The following ZBTB38 variants were observed in gnomAD, a reference collection of about 807,000 sequenced individuals.
ZBTB38 encodes zinc finger and BTB domain-containing protein 38.
A neutral mutation model predicts 76.8 loss-of-function variants in ZBTB38; 20 were observed. The observed-to-expected ratio is 0.26, with a 90% CI of 0.18 to 0.38. The LOEUF is 0.38. Among genes scored for constraint, ZBTB38 ranks in the 10% least tolerant of loss-of-function variants. The probability of loss-of-function intolerance (pLI) is 1.00; values close to 1 mark genes in which losing one functional copy is unlikely to be tolerated. For synonymous variants in ZBTB38, 504 were observed against 544.2 expected (o/e 0.93, Z 1.03); for missense variants, 1,082 against 1,482.3 (o/e 0.73, Z 4.43).
Position 141,368,800 on chromosome 3 carries a change from TCCGA to T in ZBTB38, c.-313_-310del, listed in dbSNP as rs1944097295. On this transcript the variant is annotated splice_region_variant and 5_prime_UTR_variant, in exon 1 of 6. Coordinates refer to ENST00000321464, the MANE Select transcript of ZBTB38 (RefSeq NM_001376113.1). ...TCTGGGTTTCAGAGGAGCCAGCGCC[TCCGA>T]GTAAGTGAAGGCCCACTTTTGGCCC... The T allele has an allele frequency of 6.6e-6, 1 of 151,926 alleles. No individual in the cohort carries two copies. Among genetic ancestry groups the T allele is most frequent in the Non-Finnish European group, 1.5e-5 (1 of 67,978 alleles). The allele number at this position is 151,926 out of a possible 1,614,324, so 9.4% of individuals were successfully genotyped here.
At chr3:141,345,709 G>C (rs753762809) in intron 1 of ZBTB38, among the ~76,000 whole-genome samples, 11 of 151,914 alleles carry the variant, frequency 7.2e-5, no homozygotes, top group Non-Finnish European at 1.5e-4. Context: ...GTGGTGCATG[G>C]GTGTGTGTGT....
At chr3:141,428,772 G>A (rs1045859373) in intron 5 of ZBTB38, among the ~76,000 whole-genome samples, 9 of 152,100 alleles carry the variant, frequency 5.9e-5, no homozygotes, top group Admixed American at 1.3e-4. Flanking sequence ...CAAGGCGCCC[G>A]GCCAGTATTT....
At chr3:141,356,282 G>T (rs73869599) in intron 1 of ZBTB38, among the ~76,000 whole-genome samples, 16,345 of 152,116 alleles carry the variant, frequency 0.11, 2,192 homozygotes, top group African/African-American at 0.31. Flanking sequence ...TAGGGCTGGA[G>T]TAAGGAATAG....
upstream of ZBTB38, chr3:141,368,160 C>G (rs1944044793): frequency 6.6e-6 from 1 of 152,514 alleles, no homozygotes; most frequent in South Asian, 2.1e-4. Flanking sequence ...TGAGAGGTCC[C>G]CAGGGAAACA....
intron 2 of ZBTB38, among the ~76,000 whole-genome samples, chr3:141,375,486 G>C (rs1256663399): frequency 6.6e-6 from 1 of 152,176 alleles, no homozygotes; most frequent in Non-Finnish European, 1.5e-5. Context: ...CCTAGCAAGG[G>C]GCCCACGTGC....
At chr3:141,387,632 A>G (rs1482458436) in intron 4 of ZBTB38, 1 of 152,146 alleles carries the variant, frequency 6.6e-6, no homozygotes, top group Non-Finnish European at 1.5e-5. Context: ...AATTCAACAC[A>G]CCACCTCCTT....
intron 1 of ZBTB38, among the ~76,000 whole-genome samples, chr3:141,334,370 C>T (rs1311178730): frequency 6.6e-6 from 1 of 151,202 alleles, no homozygotes; most frequent in Non-Finnish European, 1.5e-5. Context: ...TCCTTCTTTC[C>T]TCCCTCCCTC....
In ZBTB38 at chr3:141,445,774, A is replaced by G. The variant is rs1461918844; in HGVS notation, c.3386A>G (p.Gln1129Arg). ...AATGGGAAGGGCTATGCCTGCTTCC[A>G]GTGCCCCAAAATTTGCAAAACAGCT... ...EHNGKGYACFQCPKICKTAAA... is the reference protein window; with the variant it reads ...EHNGKGYACFRCPKICKTAAA... The change falls in exon 6 of 6, where the codon CAG becomes CGG. Residue 1129 changes from glutamine to arginine, a missense_variant. Coordinates refer to ENST00000321464, the MANE Select transcript of ZBTB38 (RefSeq NM_001376113.1). The surrounding 1 kb of genome is among the most constrained non-coding windows in gnomAD (Gnocchi z 6.5). 6.2e-7 allele frequency: 1 copy of G among 1,614,236 alleles called. No homozygotes were observed. Among genetic ancestry groups the G allele is most frequent in the Admixed American group, 1.7e-5 (1 of 60,030 alleles).
chr3:141,407,076 G>A (rs547064271), intron 5 of ZBTB38, among the ~76,000 whole-genome samples: 1 of 152,322 alleles, frequency 6.6e-6, no homozygotes, highest in Admixed American at 6.5e-5. Flanking sequence ...GTCATACACT[G>A]TATTCTGTTG....
At chr3:141,400,336 TAAGA>T (rs1951547667) in intron 4 of ZBTB38, among the ~76,000 whole-genome samples, 1 of 152,190 alleles carries the variant, frequency 6.6e-6, no homozygotes, top group South Asian at 2.1e-4. Flanking sequence ...TTGGCTCTAA[TAAGA>T]AAGAAATGCC....
At chr3:141,417,396 A>C (rs1182526510) in intron 5 of ZBTB38, among the ~76,000 whole-genome samples, 2 of 152,048 alleles carry the variant, frequency 1.3e-5, no homozygotes, top group Non-Finnish European at 2.9e-5. Context: ...CACAACCTTC[A>C]TTATCCACCT....
intron 4 of ZBTB38, among the ~76,000 whole-genome samples, chr3:141,391,741 T>C (rs887239920): frequency 1.3e-5 from 2 of 152,226 alleles, no homozygotes; most frequent in African/African-American, 4.8e-5. Flanking sequence ...GAGATAGTCA[T>C]TGAATTTTTT....
intron 4 of ZBTB38, among the ~76,000 whole-genome samples, chr3:141,397,816 A>G (rs556425213): frequency 2.0e-5 from 3 of 152,230 alleles, no homozygotes; most frequent in Non-Finnish European, 4.4e-5. Context: ...CAAAGCAATT[A>G]CAATAGTACC....
chr3:141,344,620 T>C (rs888939349), intron 1 of ZBTB38, among the ~76,000 whole-genome samples: 8 of 152,176 alleles, frequency 5.3e-5, no homozygotes, highest in African/African-American at 1.9e-4. Flanking sequence ...GTGATCCTCC[T>C]GCCTTGGCCT....
At position 141,446,083 on chromosome 3, in the gene ZBTB38, TA is replaced by T. The variant is rs200973051; in HGVS notation, c.*121del. 0.085 allele frequency: 56,803 copies of T among 668,888 alleles called. 122 individuals are homozygous for T. The highest frequency in any genetic ancestry group is 0.1 in the African/African-American group (5,304 of 50,682). The allele number at this position is 668,888 out of a possible 1,614,324, so 41.4% of individuals were successfully genotyped here. Reference sequence around the variant, plus strand: ...TGTGACAGTCATGAAGGAGTGAAATTAAAAAAAAAAAAAACTCATTTGTGAA... The same window carrying T: ...TGTGACAGTCATGAAGGAGTGAAATTAAAAAAAAAAAAACTCATTTGTGAA... On this transcript the variant is annotated 3_prime_UTR_variant, in exon 6 of 6. Transcript: ENST00000321464.
intron 5 of ZBTB38, chr3:141,426,245 A>ATCCTGC: frequency 8.1e-7 from 1 of 1,236,772 alleles, no homozygotes; most frequent in Non-Finnish European, 1.1e-6. Flanking sequence ...TTTCAGCAGG[A>ATCCTGC]TGCAAAAGCA....
chr3:141,430,811 C>T (rs928579232), intron 5 of ZBTB38, among the ~76,000 whole-genome samples: 6 of 152,118 alleles, frequency 3.9e-5, no homozygotes, highest in African/African-American at 1.2e-4. Flanking sequence ...TTCCCTGTGC[C>T]GTCCCCCAGA....
chr3:141,422,325 A>G (rs556963860), intron 5 of ZBTB38, among the ~76,000 whole-genome samples: 17 of 152,078 alleles, frequency 1.1e-4, no homozygotes, highest in Middle Eastern at 3.4e-3. Flanking sequence ...GGGCCAGGAC[A>G]CCCCTGTACC....
intron 4 of ZBTB38, among the ~76,000 whole-genome samples, chr3:141,394,991 G>T (rs1269529521): frequency 6.6e-6 from 1 of 152,196 alleles, no homozygotes; most frequent in Non-Finnish European, 1.5e-5. Flanking sequence ...CACAGGGAAA[G>T]CCCAAATTCT....
Sources: allele counts gnomAD v4.1 joint callset (sites outside exome capture counted in the v4.1 genomes callset), GRCh38; gene constraint gnomAD v4.1.1; non-coding constraint Gnocchi (gnomAD v3.1); transcripts MANE v1.5; gene names NCBI Gene and HGNC (gene_info 2026-07-23, HGNC 2026-07-21).